CEP89: variants seen among roughly 807,000 people sequenced by gnomAD.
CEP89 encodes the protein centrosomal protein of 89 kDa.
A neutral mutation model predicts 97.6 loss-of-function variants in CEP89; 95 were observed. The ratio of observed to expected loss-of-function variants is 0.97; its 90% CI spans 0.82 to 1.15. The LOEUF is 1.15. Ranked by LOEUF, CEP89 falls within the 50% of genes most tolerant of loss-of-function variation. CEP89 has a pLI of 0.00. For synonymous variants in CEP89, 354 were observed against 349.1 expected, an observed-to-expected ratio of 1.01 and a Z score of -0.16; for missense variants, 869 against 947.7, an observed-to-expected ratio of 0.92 and a Z score of 1.09.
chr19:32,939,967 T>C, intron 5 of CEP89, 82 bp from the exon 6 acceptor site: 2 of 701,862 alleles, frequency 2.8e-6, no homozygotes, highest in Non-Finnish European at 5.0e-6. Flanking sequence ...TCATAGAAAT[T>C]CACCTTCTAC....
rs1395336390 is a variant in CEP89 at position 32,960,039 on chromosome 19, T to C, written c.166A>G (p.Ile56Val). The change falls in exon 3 of 19, where the codon ATT becomes GTT. Residue 56 changes from isoleucine to valine, a missense_variant. By Grantham distance (29) the Ile-to-Val change is conservative. Transcript: ENST00000305768. ...ERPRSALAAA[I>V]LATTLTGRTV... ...CGCCCAGTCAATGTTGTCGCCAGAA[T>C]GGCTGCTGCCAGAGCAGATCTGCGG... is the stretch of plus-strand genomic sequence containing the variant. The C allele has an allele frequency of 1.9e-6, 3 of 1,614,216 alleles. No homozygotes were observed. The highest frequency in any genetic ancestry group is 2.2e-5 in the East Asian group (1 of 44,884).
At chr19:32,966,765 T>TC (rs1208089252) in intron 1 of CEP89, among the ~76,000 whole-genome samples, 13 of 151,982 alleles carry the variant, frequency 8.6e-5, no homozygotes, top group Admixed American at 7.2e-4. Flanking sequence ...CCCACAGCAC[T>TC]CCCCCCAGTG....
intron 3 of CEP89, among the ~76,000 whole-genome samples, chr19:32,954,756 C>T (rs1449867156): frequency 6.6e-6 from 1 of 151,206 alleles, no homozygotes; most frequent in Non-Finnish European, 1.5e-5. Context: ...CCTCTGCCTC[C>T]CGGGTTCAAG....
In CEP89 at chr19:32,881,845, T is replaced by C. The variant is rs1969288409; in HGVS notation, c.2134A>G (p.Arg712Gly). The change falls in exon 18 of 19, where the codon AGA (arginine) becomes GGA (glycine). Residue 712 changes from arginine to glycine, a missense_variant and splice_region_variant. Arg to Gly is a moderately radical substitution (Grantham distance 125, BLOSUM62 -2). Transcript: ENST00000305768. ...CATGGCGCAGGGCGCATGCCCCACC[T>C]GTTCTGCTGCAGCGCCTGGTCCAGC... Reference protein sequence around the residue: ...EVLDQALQQNREMEGELEVIW... With the variant: ...EVLDQALQQNGEMEGELEVIW... The C allele has an allele frequency of 6.2e-7, 1 of 1,600,432 alleles. No homozygotes were observed.
chr19:32,906,067 C>T lies in CEP89; in HGVS notation c.1566-4655G>A, dbSNP rs527299953. On this transcript the variant is annotated intron_variant, in intron 14 of 18. Coordinates refer to ENST00000305768, the MANE Select transcript of CEP89 (RefSeq NM_032816.5). ...CTTGAGTAGTACTGCTTTTCCTGCC[C>T]TTTTACTTTTGACCTTTCTCTATCC... 3.9e-5 allele frequency among the ~76,000 whole-genome samples: 6 copies of T among 152,234 alleles called. No homozygotes were observed. In the South Asian group the frequency reaches 1.2e-3, roughly 32 times the overall value.
intron 4 of CEP89, among the ~76,000 whole-genome samples, chr19:32,949,257 C>T (rs74707849): frequency 0.024 from 3,618 of 152,252 alleles, 75 homozygotes; most frequent in Non-Finnish European, 0.035. Flanking sequence ...CAGAGTTGTC[C>T]TTTAGAGAGG....
In CEP89 at chr19:32,961,834, G is replaced by C. The variant is rs1971175331; in HGVS notation, c.147-1776C>G. On this transcript the variant is annotated intron_variant, in intron 2 of 18. Coordinates refer to ENST00000305768, the MANE Select transcript of CEP89 (RefSeq NM_032816.5). ...AATTTTTATATTTTTTGTAGAGATG[G>C]GGTCTCAATATGTTCTCCAGGCTGG... is the stretch of plus-strand genomic sequence containing the variant. Among the ~76,000 whole-genome samples the C allele has an allele frequency of 3.3e-5, 5 of 151,644 alleles. No individual in the cohort carries two copies. The South Asian group carries it at 1.0e-3, about 32-fold the overall frequency.
chr19:32,960,182 G>C, intron 2 of CEP89, 124 bp from the exon 3 acceptor site: 1 of 948,690 alleles, frequency 1.1e-6, no homozygotes, highest in Non-Finnish European at 1.6e-6. Flanking sequence ...CATTTACTCT[G>C]CACCCATCAT....
intron 14 of CEP89, among the ~76,000 whole-genome samples, chr19:32,903,807 A>G (rs550801734): frequency 6.6e-6 from 1 of 152,302 alleles, no homozygotes; most frequent in East Asian, 1.9e-4. Flanking sequence ...AGATTTCCAA[A>G]CTTGATGAAA....
At chr19:32,887,928 C>T in intron 16 of CEP89, 87 bp from the exon 17 acceptor site, 1 of 767,236 alleles carries the variant, frequency 1.3e-6, no homozygotes, top group Non-Finnish European at 2.2e-6. Context: ...GTTACTGCTA[C>T]TGCTCACAAT....
intron 13 of CEP89, among the ~76,000 whole-genome samples, chr19:32,916,441 G>C (rs914653718): frequency 2.0e-5 from 3 of 152,140 alleles, no homozygotes; most frequent in Non-Finnish European, 4.4e-5. Context: ...ATCACACCCA[G>C]GTGTGTAAGT....
intron 4 of CEP89, among the ~76,000 whole-genome samples, chr19:32,952,547 AGCTTAATGCT>A (rs1970943226): frequency 6.6e-6 from 1 of 152,016 alleles, no homozygotes; most frequent in African/African-American, 2.4e-5. Context: ...ATACCGGTGT[AGCTTAATGCT>A]GCTGGTCTAT....
intron 5 of CEP89, among the ~76,000 whole-genome samples, chr19:32,942,885 T>C (rs1950714391): frequency 6.6e-6 from 1 of 150,706 alleles, no homozygotes; most frequent in Non-Finnish European, 1.5e-5. Flanking sequence ...GGTCTCACTC[T>C]GTCACCCAGG....
intron 5 of CEP89, among the ~76,000 whole-genome samples, chr19:32,944,286 A>G (rs551138572): frequency 4.6e-5 from 7 of 151,386 alleles, no homozygotes; most frequent in African/African-American, 1.7e-4. Context: ...AAATGGTTAC[A>G]TGGCATAGAA....
At chr19:32,933,141 T>A (rs1048901200) in intron 8 of CEP89, among the ~76,000 whole-genome samples, 3 of 152,224 alleles carry the variant, frequency 2.0e-5, no homozygotes, top group Non-Finnish European at 4.4e-5. Flanking sequence ...AGCTTTTTTA[T>A]GCTTCTCTTA....
chr19:32,909,679 G>A (rs200935820), intron 14 of CEP89, among the ~76,000 whole-genome samples: 1 of 152,134 alleles, frequency 6.6e-6, no homozygotes, highest in East Asian at 1.9e-4. Context: ...AATATCACAA[G>A]GGCTGAAAGA....
At position 32,918,339 on chromosome 19, in the gene CEP89, C is replaced by T; in HGVS notation, c.1269G>A (p.Trp423Ter). 1 of 1,607,244 alleles carries T rather than the reference C, an allele frequency of 6.2e-7. No individual in the cohort carries two copies. Among genetic ancestry groups the T allele is most frequent in the Non-Finnish European group, 8.5e-7 (1 of 1,173,768 alleles). The change falls in exon 13 of 19, where the codon TGG (tryptophan) becomes TGA (stop). Residue 423 changes from tryptophan to a stop codon, truncating the protein, a stop_gained and splice_region_variant. Coordinates refer to ENST00000305768, the MANE Select transcript of CEP89 (RefSeq NM_032816.5). LOFTEE classifies it high-confidence loss of function. The stretch of plus-strand genomic sequence containing the variant: ...GTTTTGCTTGAGTCTGAAGCTGACG[C>T]CTGCAATTGATTTACAAGATGAAAT... ...NKSSAVTSEE[W>*]RQLQTQAKLV...
intron 8 of CEP89, among the ~76,000 whole-genome samples, chr19:32,933,168 T>C (rs1476008189): frequency 6.6e-6 from 1 of 152,156 alleles, no homozygotes; most frequent in African/African-American, 2.4e-5. Context: ...AAAACTGAAG[T>C]GAAATATATG....
chr19:32,922,497 T>G (rs1970270156), intron 12 of CEP89, among the ~76,000 whole-genome samples: 1 of 151,664 alleles, frequency 6.6e-6, no homozygotes, highest in Non-Finnish European at 1.5e-5. Context: ...GAGGTATGAC[T>G]GAGCCACTGC....
Sources: gnomAD v4.1 joint callset for allele counts (sites outside exome capture counted in the v4.1 genomes callset) on GRCh38, gnomAD v4.1.1 for gene constraint, MANE v1.5 for transcripts, NCBI Gene and HGNC (gene_info 2026-07-23, HGNC 2026-07-21) for gene names.